Variants in CNTNAP4 observed in about 807,000 individuals in gnomAD.
CNTNAP4 encodes contactin-associated protein-like 4.
In CNTNAP4, 98 loss-of-function variants were observed where a neutral mutation model predicts 148.4. That is an observed-to-expected ratio of 0.66 (90% CI 0.56 to 0.78). The LOEUF is 0.78. Among genes scored for constraint, CNTNAP4 ranks in the 30% least tolerant of loss-of-function variants. CNTNAP4 has a pLI of 0.00. For synonymous variants in CNTNAP4, 730 were observed against 565.1 expected (o/e 1.29, Z -4.14); for missense variants, 1,935 against 1,565.6 (o/e 1.24, Z -3.98).
intron 2 of CNTNAP4, among the ~76,000 whole-genome samples, chr16:76,349,171 T>C (rs1457838153): frequency 6.6e-6 from 1 of 152,132 alleles, no homozygotes; most frequent in African/African-American, 2.4e-5. Context: ...CTCTCTCTTT[T>C]GGCCTCACTC....
chr16:76,526,024 G>T (rs2083716102), intron 17 of CNTNAP4, among the ~76,000 whole-genome samples: 1 of 151,862 alleles, frequency 6.6e-6, no homozygotes, highest in Admixed American at 6.6e-5. Flanking sequence ...TTTTCAGGTA[G>T]TGATAAATAC....
intron 21 of CNTNAP4, among the ~76,000 whole-genome samples, chr16:76,551,402 A>AT (rs1555604351): frequency 0.013 from 966 of 72,022 alleles, 7 homozygotes; most frequent in African/African-American, 0.031. Context: ...TGTTAAAAAA[A>AT]AAATATATAT....
At chr16:76,405,148 A>C (rs2078558045) in intron 3 of CNTNAP4, among the ~76,000 whole-genome samples, 1 of 152,208 alleles carries the variant, frequency 6.6e-6, no homozygotes, top group African/African-American at 2.4e-5. Context: ...TGTAGTTGTT[A>C]AAGAGTTTCT....
intron 2 of CNTNAP4, among the ~76,000 whole-genome samples, chr16:76,330,490 T>C (rs903508264): frequency 6.6e-6 from 1 of 152,216 alleles, no homozygotes; most frequent in Non-Finnish European, 1.5e-5. Flanking sequence ...TTGCCTATAC[T>C]GGTGTTTATG....
At chr16:76,333,150 C>G (rs926858323) in intron 2 of CNTNAP4, among the ~76,000 whole-genome samples, 1 of 152,188 alleles carries the variant, frequency 6.6e-6, no homozygotes, top group African/African-American at 2.4e-5. Context: ...CTAGAAATCT[C>G]TGGGCTAGGG....
intron 17 of CNTNAP4, 29 bp downstream of exon 17, chr16:76,522,286 A>T: frequency 6.3e-7 from 1 of 1,578,416 alleles, no homozygotes; most frequent in Non-Finnish European, 8.7e-7. Context: ...CAATCATTTT[A>T]TTGTATGATA....
intron 4 of CNTNAP4, among the ~76,000 whole-genome samples, chr16:76,444,044 A>T (rs2080145479): frequency 6.6e-6 from 1 of 152,352 alleles, no homozygotes; most frequent in Admixed American, 6.5e-5. Context: ...TATTTGATTC[A>T]TTAATGAAGG....
At chr16:76,458,047 A>G (rs1346423756) in intron 8 of CNTNAP4, among the ~76,000 whole-genome samples, 1 of 152,074 alleles carries the variant, frequency 6.6e-6, no homozygotes, top group African/African-American at 2.4e-5. Flanking sequence ...AACATGCTGT[A>G]TTTGGTTTTC....
chr16:76,325,043 G>T (rs545301166), intron 2 of CNTNAP4, among the ~76,000 whole-genome samples: 1 of 152,046 alleles, frequency 6.6e-6, no homozygotes, highest in African/African-American at 2.4e-5. Context: ...GCCAGCCCTC[G>T]GGGGCAAAGA....
Position 76,558,629 on chromosome 16 carries a change from T to G in CNTNAP4, c.3873T>G (p.Ser1291Arg). Residue 1291 changes from serine to arginine, a missense_variant, in exon 24 of 24, where the codon AGT becomes AGG. Coordinates refer to ENST00000611870, the MANE Select transcript of CNTNAP4 (RefSeq NM_033401.5). Reference protein sequence around the residue: ...NVDSAEAVLKSELNIQNAVNE... With the variant: ...NVDSAEAVLKRELNIQNAVNE... ...ACAGTGCTGAGGCTGTTCTGAAAAG[T>G]GAGCTTAATATACAAAATGCAGTCA... 6.2e-7 allele frequency: 1 copy of G among 1,613,044 alleles called. No individual in the cohort carries two copies. The highest frequency in any genetic ancestry group is 8.5e-7 in the Non-Finnish European group (1 of 1,179,452).
In CNTNAP4 at chr16:76,552,198, T is replaced by G. The variant is rs1011007892; in HGVS notation, c.3443-1085T>G. 1.7e-4 allele frequency among the ~76,000 whole-genome samples: 26 copies of G among 152,236 alleles called. No individual in the cohort carries two copies. In the East Asian group the frequency reaches 4.8e-3, roughly 28 times the overall value. On this transcript the variant is annotated intron_variant, in intron 21 of 23. Transcript: ENST00000611870. ...TAAAACTATCACATCTCATGAGAACTCACTCACTATCACAATAACAGCATG... is the reference window on the plus strand; with the variant it reads ...TAAAACTATCACATCTCATGAGAACGCACTCACTATCACAATAACAGCATG...
At chr16:76,337,301 TC>T (rs2144312289) in intron 2 of CNTNAP4, among the ~76,000 whole-genome samples, 1 of 152,300 alleles carries the variant, frequency 6.6e-6, no homozygotes, top group African/African-American at 2.4e-5. Flanking sequence ...CAGTGTAGGT[TC>T]TTTTCTATTT....
chr16:76,374,260 T>G (rs1456502546), intron 3 of CNTNAP4, among the ~76,000 whole-genome samples: 2 of 152,190 alleles, frequency 1.3e-5, no homozygotes, highest in African/African-American at 4.8e-5. Flanking sequence ...TAATCATGAA[T>G]TTGGGTCGGG....
chr16:76,340,682 A>C (rs914916666), intron 2 of CNTNAP4, among the ~76,000 whole-genome samples: 6 of 152,156 alleles, frequency 3.9e-5, no homozygotes, highest in Non-Finnish European at 5.9e-5. Flanking sequence ...TAGCATGCAA[A>C]CATCAGGAAG....
chr16:76,356,622 A>G (rs1461139958), intron 3 of CNTNAP4, among the ~76,000 whole-genome samples: 1 of 151,958 alleles, frequency 6.6e-6, no homozygotes, highest in Non-Finnish European at 1.5e-5. Context: ...GCTAAGAACA[A>G]TGTACTGCAA....
At chr16:76,312,320 G>C (rs575454335) in intron 1 of CNTNAP4, among the ~76,000 whole-genome samples, 2 of 152,288 alleles carry the variant, frequency 1.3e-5, no homozygotes, top group South Asian at 4.1e-4. Flanking sequence ...GGGAGCAGTA[G>C]GGTGAAATTA....
intron 2 of CNTNAP4, among the ~76,000 whole-genome samples, chr16:76,353,784 C>G (rs1346555): frequency 3.3e-5 from 5 of 152,180 alleles, no homozygotes; most frequent in Non-Finnish European, 5.9e-5. Flanking sequence ...CAGAGTTCTG[C>G]CCTTCATCTA....
intron 12 of CNTNAP4, among the ~76,000 whole-genome samples, chr16:76,486,384 T>C (rs1196472014): frequency 6.6e-6 from 1 of 152,074 alleles, no homozygotes; most frequent in Non-Finnish European, 1.5e-5. Flanking sequence ...AAAGAAAAGA[T>C]GTATCTACAC....
At chr16:76,518,261 G>A (rs183400922) in intron 15 of CNTNAP4, among the ~76,000 whole-genome samples, 124 of 152,128 alleles carry the variant, frequency 8.2e-4, no homozygotes, top group African/African-American at 2.9e-3. Context: ...CTAAGTAGTG[G>A]GGGTTACAGG....
Sources: allele counts gnomAD v4.1 joint callset (sites outside exome capture counted in the v4.1 genomes callset), GRCh38; gene constraint gnomAD v4.1.1; transcripts MANE v1.5; gene names NCBI Gene and HGNC (gene_info 2026-07-23, HGNC 2026-07-21).